The following PHF24 variants were observed in gnomAD, a reference collection of about 807,000 sequenced individuals.
PHF24 encodes PHD finger protein 24, also known as Galpha inhibitory interacting protein.
PHF24 carries 25 observed loss-of-function variants against 42.6 expected under a neutral mutation model. The observed-to-expected ratio is 0.59, with a 90% CI of 0.43 to 0.82. PHF24 has a LOEUF of 0.82. Ranked by LOEUF, PHF24 falls within the 40% of genes least tolerant of loss-of-function variation. The pLI, the probability that PHF24 is intolerant of heterozygous loss-of-function variation, is 0.00. For synonymous variants in PHF24, 185 were observed against 204.8 expected, an observed-to-expected ratio of 0.90 and a Z score of 0.83; for missense variants, 470 against 538.1, an observed-to-expected ratio of 0.87 and a Z score of 1.25.
At chr9:34,784,470 T>C in the PHF24 span, among the ~76,000 whole-genome samples, 1 of 152,218 alleles carries the variant, frequency 6.6e-6, no homozygotes, top group Non-Finnish European at 1.5e-5. Context: ...TTGAATTATG[T>C]TCAGCCTCAA....
chr9:34,690,888 G>A, the PHF24 span, among the ~76,000 whole-genome samples: 3 of 152,236 alleles, frequency 2.0e-5, no homozygotes, highest in East Asian at 3.9e-4. Context: ...AGACACACCC[G>A]CATTGGGATT....
the PHF24 span, among the ~76,000 whole-genome samples, chr9:34,715,633 A>G: frequency 2.0e-5 from 3 of 152,144 alleles, no homozygotes; most frequent in Non-Finnish European, 2.9e-5. Flanking sequence ...AACCTCTGGG[A>G]TGGCCTAGGT....
At chr9:34,913,712 C>A in the PHF24 span, among the ~76,000 whole-genome samples, 1 of 152,152 alleles carries the variant, frequency 6.6e-6, no homozygotes. Flanking sequence ...CTCCTCCAAT[C>A]TCCTGCCTCT....
the PHF24 span, chr9:34,833,264 T>C: frequency 1.4e-4 from 224 of 1,550,964 alleles, no homozygotes; most frequent in Admixed American, 2.6e-4. Context: ...CACACTGGCC[T>C]CTACCTGAAC....
the PHF24 span, among the ~76,000 whole-genome samples, chr9:34,806,017 T>A: frequency 6.6e-6 from 1 of 152,310 alleles, no homozygotes; most frequent in East Asian, 1.9e-4. Flanking sequence ...TGTTGAAACT[T>A]AGTTGTCCAT....
the PHF24 span, among the ~76,000 whole-genome samples, chr9:34,794,231 C>T: frequency 1.3e-5 from 2 of 152,084 alleles, no homozygotes; most frequent in Admixed American, 6.5e-5. Flanking sequence ...CAAGAAAAAT[C>T]GGAGTAGCAC....
At chr9:34,682,496 C>T in the PHF24 span, among the ~76,000 whole-genome samples, 1 of 152,010 alleles carries the variant, frequency 6.6e-6, no homozygotes, top group Non-Finnish European at 1.5e-5. Context: ...AGGTGATACG[C>T]TCAATTTTCT....
At chr9:34,693,918 T>C in the PHF24 span, among the ~76,000 whole-genome samples, 2 of 152,140 alleles carry the variant, frequency 1.3e-5, no homozygotes, top group Non-Finnish European at 2.9e-5. Flanking sequence ...TAGCTTTTCT[T>C]ATGGGCAGAT....
At chr9:34,859,647 G>A in the PHF24 span, among the ~76,000 whole-genome samples, 1 of 152,014 alleles carries the variant, frequency 6.6e-6, no homozygotes, top group Non-Finnish European at 1.5e-5. Context: ...CATGCACTTT[G>A]TTTCCCAAAT....
the PHF24 span, among the ~76,000 whole-genome samples, chr9:34,786,155 T>C: frequency 6.6e-6 from 1 of 152,206 alleles, no homozygotes; most frequent in African/African-American, 2.4e-5. Flanking sequence ...ACTGGGGTCC[T>C]TTGGAGGACT....
the PHF24 span, among the ~76,000 whole-genome samples, chr9:34,742,546 G>A: frequency 6.6e-6 from 1 of 152,108 alleles, no homozygotes; most frequent in African/African-American, 2.4e-5. Context: ...GCAACTGCCA[G>A]CTACGTCACC....
chr9:34,747,304 C>T, the PHF24 span, among the ~76,000 whole-genome samples: 1 of 152,000 alleles, frequency 6.6e-6, no homozygotes, highest in African/African-American at 2.4e-5. Context: ...TAGTTTTAAC[C>T]ACTTGGGAGG....
the PHF24 span, among the ~76,000 whole-genome samples, chr9:34,798,689 T>G: frequency 6.6e-6 from 1 of 152,166 alleles, no homozygotes; most frequent in African/African-American, 2.4e-5. Flanking sequence ...AGTGCAGGTG[T>G]CTTTTTGGTA....
the PHF24 span, among the ~76,000 whole-genome samples, chr9:34,801,968 A>G: frequency 3.3e-5 from 5 of 152,156 alleles, no homozygotes; most frequent in Non-Finnish European, 7.3e-5. Context: ...TGCAGGGCTT[A>G]AAACCTAGAT....
At chr9:34,723,239 G>C in the PHF24 span, 2 of 1,551,344 alleles carry the variant, frequency 1.3e-6, no homozygotes, top group East Asian at 4.9e-5. Context: ...GAGCTAGGTT[G>C]GGTGCCCTGG....
At chr9:34,719,438 T>C in the PHF24 span, among the ~76,000 whole-genome samples, 1 of 152,196 alleles carries the variant, frequency 6.6e-6, no homozygotes, top group Admixed American at 6.5e-5. Context: ...GCTGGGGTTA[T>C]GGGATGGGAT....
the PHF24 span, among the ~76,000 whole-genome samples, chr9:34,774,713 G>A: frequency 1.3e-5 from 2 of 152,050 alleles, 1 homozygote; most frequent in Admixed American, 1.3e-4. Context: ...GCAGAGGTTG[G>A]AGTGAGCAGA....
chr9:34,720,359 G>A, the PHF24 span, among the ~76,000 whole-genome samples: 1 of 151,830 alleles, frequency 6.6e-6, no homozygotes, highest in African/African-American at 2.4e-5. Flanking sequence ...GCAGGAGAAT[G>A]GCGTGAACCC....
At chr9:34,728,510 G>T in the PHF24 span, 2 of 1,171,016 alleles carry the variant, frequency 1.7e-6, no homozygotes, top group Non-Finnish European at 2.5e-6. Flanking sequence ...GTCTTCAGTG[G>T]CAGAGCACCT....
Sources: gnomAD v4.1 joint callset for allele counts (sites outside exome capture counted in the v4.1 genomes callset) on GRCh38, gnomAD v4.1.1 for gene constraint, MANE v1.5 for transcripts, NCBI Gene and HGNC (gene_info 2026-07-23, HGNC 2026-07-21) for gene names.